FBXO28: variants seen among roughly 807,000 people sequenced by gnomAD.
The protein encoded by FBXO28 is F-box only protein 28.
Under a neutral mutation model 38.1 loss-of-function variants are expected in FBXO28, and 8 were observed. The observed-to-expected ratio is 0.21, with a 90% CI of 0.12 to 0.38. FBXO28 has a LOEUF of 0.38. Among genes scored for constraint, FBXO28 ranks in the 10% least tolerant of loss-of-function variants. The pLI, the probability that FBXO28 is intolerant of heterozygous loss-of-function variation, is 1.00. For synonymous variants in FBXO28, 168 were observed against 173.8 expected (o/e 0.97, Z 0.26); for missense variants, 345 against 460.6 (o/e 0.75, Z 2.30).
At chr1:224,130,159 T>C (rs1038096732) in intron 1 of FBXO28, among the ~76,000 whole-genome samples, 17 of 151,974 alleles carry the variant, frequency 1.1e-4, no homozygotes, top group African/African-American at 4.1e-4. Flanking sequence ...CTGGCCAGCA[T>C]GGTGAAACTC....
At chr1:224,124,380 AT>A (rs1472050388) in intron 1 of FBXO28, among the ~76,000 whole-genome samples, 6 of 152,100 alleles carry the variant, frequency 3.9e-5, no homozygotes, top group African/African-American at 1.4e-4. Flanking sequence ...ACTTTTCCTA[AT>A]CTTTCAGTGC....
At chr1:224,133,739 G>A (rs1339772348) in intron 2 of FBXO28, among the ~76,000 whole-genome samples, 1 of 151,906 alleles carries the variant, frequency 6.6e-6, no homozygotes, top group African/African-American at 2.4e-5. Flanking sequence ...TCAAACTCCT[G>A]ACCTCAGGTG....
At chr1:224,117,977 G>A (rs1029053774) in intron 1 of FBXO28, among the ~76,000 whole-genome samples, 1 of 150,262 alleles carries the variant, frequency 6.7e-6, no homozygotes, top group African/African-American at 2.5e-5. Flanking sequence ...AACAAGTATA[G>A]GGAGCTTTTT....
rs183010474 is a variant in FBXO28, at chr1:224,114,472, C to T, written c.267+76C>T. The T allele has an allele frequency of 9.9e-4, 1,271 of 1,287,816 alleles. 18 individuals are homozygous for T. Among genetic ancestry groups the T allele is most frequent in the East Asian group, 8.7e-3 (325 of 37,180 alleles). 79.8% of individuals were successfully genotyped at this position (1,287,816 alleles called of 1,614,324 possible). On this transcript the variant is annotated intron_variant, in intron 1 of 4. Transcript: ENST00000366862. ...GGAGATGAGAAGGGAGCGCGTTCCC[C>T]GGGAAGGGAGCCCCCCGCGAGCCCC... is the stretch of plus-strand genomic sequence containing the variant.
intron 1 of FBXO28, among the ~76,000 whole-genome samples, chr1:224,127,241 T>A (rs1451436155): frequency 6.6e-6 from 1 of 151,674 alleles, no homozygotes; most frequent in Admixed American, 6.6e-5. Context: ...TTTCCACAAG[T>A]ATACATGGAG....
chr1:224,135,320 T>G (rs1263180670), intron 3 of FBXO28, among the ~76,000 whole-genome samples: 1 of 152,178 alleles, frequency 6.6e-6, no homozygotes, highest in African/African-American at 2.4e-5. Flanking sequence ...TTATTGAATA[T>G]CTCATTGTTA....
Position 224,119,567 on chromosome 1 carries a change from A to G in FBXO28, c.267+5171A>G, listed in dbSNP as rs16856410. ...TCGTTCTTCCAGTTCTCACAAAGTAAAGAGGTTCAGTCAGTAACTCTGTCC... is the reference window on the plus strand; with the variant it reads ...TCGTTCTTCCAGTTCTCACAAAGTAGAGAGGTTCAGTCAGTAACTCTGTCC... On this transcript the variant is annotated intron_variant, in intron 1 of 4. Coordinates refer to ENST00000366862, the MANE Select transcript of FBXO28 (RefSeq NM_015176.4). Among the ~76,000 whole-genome samples the G allele has an allele frequency of 8.7e-3, 1,324 of 152,240 alleles. 21 individuals are homozygous for G. The highest frequency in any genetic ancestry group is 0.029 in the African/African-American group (1,223 of 41,536).
At chr1:224,128,382 T>C (rs562753693) in intron 1 of FBXO28, among the ~76,000 whole-genome samples, 5 of 152,060 alleles carry the variant, frequency 3.3e-5, no homozygotes, top group Non-Finnish European at 7.4e-5. Context: ...GAATTCTGTA[T>C]ACTAGATCTA....
intron 2 of FBXO28, chr1:224,131,098 A>C (rs1424600784): frequency 6.6e-6 from 1 of 152,308 alleles, no homozygotes; most frequent in Non-Finnish European, 1.5e-5. Context: ...CATTGAAAGA[A>C]ATTAAAGAAG....
intron 4 of FBXO28, among the ~76,000 whole-genome samples, 198 bp from the exon 5 acceptor site, chr1:224,157,154 G>C (rs965790415): frequency 6.6e-6 from 1 of 152,150 alleles, no homozygotes; most frequent in Non-Finnish European, 1.5e-5. Flanking sequence ...ATGAGCAGGA[G>C]AATCAGAATT....
At chr1:224,149,331 A>G (rs1022093776) in intron 3 of FBXO28, among the ~76,000 whole-genome samples, 2 of 144,910 alleles carry the variant, frequency 1.4e-5, no homozygotes, top group African/African-American at 5.2e-5. Flanking sequence ...ATCACAGCTC[A>G]TGGGACTATA....
intron 3 of FBXO28, among the ~76,000 whole-genome samples, chr1:224,140,136 A>G (rs539539427): frequency 1.6e-4 from 24 of 152,316 alleles, no homozygotes; most frequent in African/African-American, 5.8e-4. Context: ...CCACTTGAAA[A>G]TAAGTTGGAG....
intron 3 of FBXO28, among the ~76,000 whole-genome samples, chr1:224,134,891 T>A (rs756214421): frequency 3.3e-5 from 5 of 152,248 alleles, no homozygotes; most frequent in Non-Finnish European, 5.9e-5. Context: ...ACTTGGTTGA[T>A]GCTGGCAAAA....
chr1:224,157,240 AAG>A, intron 4 of FBXO28, 110 bp from the exon 5 acceptor site: 1 of 1,317,996 alleles, frequency 7.6e-7, no homozygotes, highest in Non-Finnish European at 1.0e-6. Context: ...TGCAAAGAAG[AAG>A]AAATTATCAG....
chr1:224,129,263 C>T (rs1656979972), intron 1 of FBXO28, among the ~76,000 whole-genome samples: 1 of 152,092 alleles, frequency 6.6e-6, no homozygotes, highest in South Asian at 2.1e-4. Context: ...TCACTTGAAC[C>T]TGGGAGGCAC....
chr1:224,157,134 A>G (rs1248562545), intron 4 of FBXO28, among the ~76,000 whole-genome samples: 3 of 152,204 alleles, frequency 2.0e-5, no homozygotes, highest in Non-Finnish European at 2.9e-5. Flanking sequence ...GGCAGTCTAC[A>G]TACTGCCACA....
chr1:224,140,640 T>C (rs1277179208), intron 3 of FBXO28, among the ~76,000 whole-genome samples: 3 of 152,142 alleles, frequency 2.0e-5, no homozygotes, highest in Admixed American at 1.3e-4. Flanking sequence ...AAAGTCTGTT[T>C]TCATATTAAA....
chr1:224,156,516 C>T (rs575201790), intron 4 of FBXO28, among the ~76,000 whole-genome samples: 1 of 152,308 alleles, frequency 6.6e-6, no homozygotes, highest in South Asian at 2.1e-4. Context: ...ATTACACTTA[C>T]TGGCTGCACA....
chr1:224,126,382 G>A (rs141076615), intron 1 of FBXO28, among the ~76,000 whole-genome samples: 19 of 152,260 alleles, frequency 1.2e-4, no homozygotes, highest in African/African-American at 4.3e-4. Flanking sequence ...TAAATATATT[G>A]CTGCTAAAAA....
Sources: allele counts gnomAD v4.1 joint callset (sites outside exome capture counted in the v4.1 genomes callset), GRCh38; gene constraint gnomAD v4.1.1; transcripts MANE v1.5; gene names NCBI Gene and HGNC (gene_info 2026-07-23, HGNC 2026-07-21).